The following ZNF672 variants were observed in gnomAD, a reference collection of about 807,000 sequenced individuals.
ZNF672 encodes the protein hypothetical protein FLJ22301.
For synonymous variants in ZNF672, 358 were observed against 305.6 expected, an observed-to-expected ratio of 1.17 and a Z score of -1.79; for missense variants, 733 against 701.1, an observed-to-expected ratio of 1.05 and a Z score of -0.51.
intron 2 of ZNF672, among the ~76,000 whole-genome samples, chr1:248,844,893 T>C (rs1012203626): frequency 6.6e-6 from 1 of 152,254 alleles, no homozygotes; most frequent in African/African-American, 2.4e-5. Flanking sequence ...AGCATTCCTC[T>C]GACCTGACAT....
At position 248,848,159 on chromosome 1, in the gene ZNF672, C is replaced by T. The variant is rs1175911393; in HGVS notation, c.885C>T (p.Arg295=). 1.9e-6 allele frequency: 3 copies of T among 1,591,380 alleles called. No homozygotes were observed. The highest frequency in any genetic ancestry group is 2.6e-6 in the Non-Finnish European group (3 of 1,173,254). ...CTTGCGGCAAGGGTTTCGGGCAGCGCTCCGACCTGGTGGTGCACCAGCGCA... is the reference window on the plus strand; with the variant it reads ...CTTGCGGCAAGGGTTTCGGGCAGCGTTCCGACCTGGTGGTGCACCAGCGCA... ...CATCGKGFGQ[R]SDLVVHQRIH... Residue 295 remains arginine (R), a synonymous_variant, in exon 4 of 4, where the codon CGC becomes CGT. Transcript: ENST00000306562.
intron 1 of ZNF672, chr1:248,838,912 G>C (rs1305975551): frequency 6.6e-6 from 1 of 152,198 alleles, no homozygotes; most frequent in African/African-American, 2.4e-5. Context: ...GCCCGGTCTC[G>C]CCCTCCAAGT....
chr1:248,846,018 G>A (rs972375933), intron 3 of ZNF672, among the ~76,000 whole-genome samples: 14 of 152,186 alleles, frequency 9.2e-5, no homozygotes, highest in African/African-American at 2.2e-4. Flanking sequence ...ACAGCTGCCC[G>A]GAGCAACCTG....
In ZNF672 at chr1:248,848,544, G is replaced by T. The variant is rs767158176; in HGVS notation, c.1270G>T (p.Ala424Ser). The T allele has an allele frequency of 8.8e-6, 14 of 1,598,192 alleles. No homozygotes were observed. In the South Asian group the frequency reaches 1.4e-4, roughly 17 times the overall value. Reference sequence around the variant, plus strand: ...GGCCCACACGCGCGCCCGCACCGCTGCCGCCGTTGCCATCCAGTCCGCAGT... The same window carrying T: ...GGCCCACACGCGCGCCCGCACCGCTTCCGCCGTTGCCATCCAGTCCGCAGT... ...QRAHTRARTAAAVAIQSAVGT... is the reference protein window; with the variant it reads ...QRAHTRARTASAVAIQSAVGT... Residue 424 changes from alanine to serine, a missense_variant, in exon 4 of 4, where the codon GCC becomes TCC. Physicochemically the swap from Ala to Ser is moderately conservative, Grantham distance 99. Coordinates refer to ENST00000306562, the MANE Select transcript of ZNF672 (RefSeq NM_024836.3).
chr1:248,843,315 A>G (rs1664707559), intron 1 of ZNF672, among the ~76,000 whole-genome samples: 1 of 152,242 alleles, frequency 6.6e-6, no homozygotes, highest in African/African-American at 2.4e-5. Context: ...AACAACTGGT[A>G]TGTATGGTTT....
chr1:248,848,247 G>C lies in ZNF672; in HGVS notation c.973G>C (p.Asp325His), dbSNP rs1164203015. The change falls in exon 4 of 4, where the codon GAC becomes CAC. Residue 325 changes from aspartate (D) to histidine (H), a missense_variant. By Grantham distance (81) the Asp-to-His change is moderately conservative (BLOSUM62 -1). Transcript: ENST00000306562. ...CGGCCGCCGCTTCAGCGACCGCTCG[G>C]ACCTCACCAAGCACCGGCGCACGCA... The part of the protein sequence containing the change: ...ECGRRFSDRS[D>H]LTKHRRTHTG... The C allele has an allele frequency of 1.2e-6, 2 of 1,602,110 alleles. No individual in the cohort carries two copies. Among genetic ancestry groups the C allele is most frequent in the Admixed American group, 1.7e-5 (1 of 59,722 alleles).
intron 1 of ZNF672, among the ~76,000 whole-genome samples, chr1:248,843,152 C>T (rs1664705321): frequency 6.6e-6 from 1 of 152,132 alleles, no homozygotes; most frequent in South Asian, 2.1e-4. Context: ...CCTAGACCCA[C>T]CTGCGCACTT....
intron 1 of ZNF672, among the ~76,000 whole-genome samples, chr1:248,840,626 T>C (rs1371255042): frequency 3.9e-5 from 6 of 152,086 alleles, no homozygotes; most frequent in African/African-American, 1.2e-4. Context: ...TGGATAGTGC[T>C]GTGGAGGATA....
rs1659192729 is a variant in ZNF672, at chr1:248,847,604, C to G, written c.330C>G (p.His110Gln). Residue 110 changes from histidine (H) to glutamine (Q), a missense_variant, in exon 4 of 4, where the codon CAC becomes CAG. By Grantham distance (24) the His-to-Gln change is conservative. Coordinates refer to ENST00000306562, the MANE Select transcript of ZNF672 (RefSeq NM_024836.3). ...PCRTCGRRFP[H>Q]LPALLLHRRR... is the part of the protein sequence containing the mutation. Reference sequence around the variant, plus strand: ...GCACATGCGGCCGGCGCTTCCCGCACCTCCCGGCGCTGCTGCTACACCGGC... The same window carrying G: ...GCACATGCGGCCGGCGCTTCCCGCAGCTCCCGGCGCTGCTGCTACACCGGC... 5.2e-6 allele frequency: 8 copies of G among 1,536,862 alleles called. No homozygotes were observed. The highest frequency in any genetic ancestry group is 7.0e-6 in the Non-Finnish European group (8 of 1,145,504).
chr1:248,842,543 G>C (rs2103028006), intron 1 of ZNF672, among the ~76,000 whole-genome samples: 1 of 152,184 alleles, frequency 6.6e-6, no homozygotes, highest in Middle Eastern at 3.4e-3. Context: ...GGAGGCAGGG[G>C]TGGCCTCTCT....
At position 248,847,836 on chromosome 1, in the gene ZNF672, C is replaced by T. The variant is rs761361922; in HGVS notation, c.562C>T (p.Arg188Trp). ...GAGTCACGCGCGCATCCACGTGTCC[C>T]GGAGCCCCACGCGACCCCGTGTCTC... The part of the protein sequence containing the change: ...LRSHARIHVS[R>W]SPTRPRVSDA... Residue 188 changes from arginine to tryptophan, a missense_variant, in exon 4 of 4, where the codon CGG becomes TGG. Coordinates refer to ENST00000306562, the MANE Select transcript of ZNF672 (RefSeq NM_024836.3). 1.6e-5 allele frequency: 25 copies of T among 1,570,688 alleles called. No individual in the cohort carries two copies. The highest frequency in any genetic ancestry group is 1.1e-5 in the South Asian group (1 of 87,226).
rs190834079 is a variant in ZNF672 at position 248,847,655 on chromosome 1, C to A, written c.381C>A (p.Pro127=). The change falls in exon 4 of 4, where the codon CCC becomes CCA. Residue 127 remains proline, a synonymous_variant. Transcript: ENST00000306562. ...GCCGCCAGCATCTGCCAGAGCGGCCCCGCCGCTGCCCGCTGTGCGCCCGCA... is the reference window on the plus strand; with the variant it reads ...GCCGCCAGCATCTGCCAGAGCGGCCACGCCGCTGCCCGCTGTGCGCCCGCA... ...HRRRQHLPER[P]RRCPLCARTF... 7,561 of 1,496,982 alleles carry A rather than the reference C, an allele frequency of 5.1e-3. 322 individuals carry two copies. The African/African-American group carries it at 0.092, about 18-fold the overall frequency. 92.7% of individuals were successfully genotyped at this position (1,496,982 alleles called of 1,614,324 possible).
Position 248,848,556 on chromosome 1 carries a change from A to G in ZNF672, c.1282A>G (p.Ile428Val), listed in dbSNP as rs763494854. The G allele has an allele frequency of 1.4e-5, 23 of 1,600,980 alleles. No individual in the cohort carries two copies. Among genetic ancestry groups the G allele is most frequent in the Non-Finnish European group, 2.0e-5 (23 of 1,172,474 alleles). ...TRARTAAAVA[I>V]QSAVGTALVF... The stretch of plus-strand genomic sequence containing the variant: ...CGCCCGCACCGCTGCCGCCGTTGCC[A>G]TCCAGTCCGCAGTGGGCACTGCCCT... Residue 428 changes from isoleucine to valine, a missense_variant, in exon 4 of 4, where the codon ATC becomes GTC. Transcript: ENST00000306562.
chr1:248,846,789 T>C (rs1664767108), intron 3 of ZNF672, among the ~76,000 whole-genome samples: 1 of 152,220 alleles, frequency 6.6e-6, no homozygotes, highest in South Asian at 2.1e-4. Context: ...GCAGTGTTGA[T>C]GGTTCCCAGG....
intron 1 of ZNF672, among the ~76,000 whole-genome samples, chr1:248,842,473 G>A (rs928497891): frequency 2.0e-5 from 3 of 152,144 alleles, no homozygotes; most frequent in African/African-American, 7.2e-5. Context: ...GAAGCCCAGA[G>A]TGGCCACAGC....
In ZNF672 at chr1:248,847,805, G is replaced by C; in HGVS notation, c.531G>C (p.Gly177=). The C allele has an allele frequency of 6.5e-7, 1 of 1,547,910 alleles. No individual in the cohort carries two copies. ...CGCGAGCCTTCCGAAGCGGCGCCGG[G>C]CTGCGGAGTCACGCGCGCATCCACG... ...QCPRAFRSGA[G]LRSHARIHVS... The change falls in exon 4 of 4, where the codon GGG becomes GGC. Residue 177 remains glycine, a synonymous_variant. Coordinates refer to ENST00000306562, the MANE Select transcript of ZNF672 (RefSeq NM_024836.3).
intron 1 of ZNF672, chr1:248,839,319 C>G (rs1216068365): frequency 1.3e-5 from 2 of 152,294 alleles, no homozygotes; most frequent in Non-Finnish European, 2.9e-5. Flanking sequence ...AGTTAAGCCC[C>G]TTACTCAGAG....
In ZNF672 at chr1:248,848,403, A is replaced by G. The variant is rs765129978; in HGVS notation, c.1129A>G (p.Ser377Gly). 10 of 1,604,860 alleles carry G rather than the reference A, an allele frequency of 6.2e-6. No homozygotes were observed. Among genetic ancestry groups the G allele is most frequent in the South Asian group, 1.1e-5 (1 of 91,080 alleles). The change falls in exon 4 of 4, where the codon AGC (serine) becomes GGC (glycine). Residue 377 changes from serine to glycine, a missense_variant. Coordinates refer to ENST00000306562, the MANE Select transcript of ZNF672 (RefSeq NM_024836.3). ...HKCPECSKAF[S>G]VASKLALHRK... ...ATGCCCCGAGTGCAGCAAGGCCTTC[A>G]GCGTCGCCTCCAAGCTTGCACTGCA...
At position 248,848,573 on chromosome 1, in the gene ZNF672, CACT is replaced by C. The variant is rs2103031609; in HGVS notation, c.1300_1302del (p.Thr434del). ...CCGTTGCCATCCAGTCCGCAGTGGG[CACT>C]GCCCTCGTCTTTGAGGGGCCGGCTG... is the stretch of plus-strand genomic sequence containing the variant. On this transcript the variant is annotated inframe_deletion, in exon 4 of 4. Coordinates refer to ENST00000306562, the MANE Select transcript of ZNF672 (RefSeq NM_024836.3). 6.3e-7 allele frequency: 1 copy of C among 1,596,564 alleles called. No individual in the cohort carries two copies. Among genetic ancestry groups the C allele is most frequent in the Non-Finnish European group, 8.6e-7 (1 of 1,168,742 alleles).
Sources: allele counts gnomAD v4.1 joint callset (sites outside exome capture counted in the v4.1 genomes callset), GRCh38; gene constraint gnomAD v4.1.1; transcripts MANE v1.5; gene names NCBI Gene and HGNC (gene_info 2026-07-23, HGNC 2026-07-21).